Variants in CFAP95 observed in about 807,000 individuals in gnomAD.
The protein encoded by CFAP95 is cilia- and flagella-associated protein 95.
chr9:69,862,575 T>C, the CFAP95 span, among the ~76,000 whole-genome samples: 4 of 152,296 alleles, frequency 2.6e-5, no homozygotes, highest in African/African-American at 9.6e-5. Context: ...TAAAAGGCAA[T>C]GAATAAGAAT....
the CFAP95 span, chr9:69,885,179 T>G: frequency 6.6e-6 from 1 of 152,252 alleles, no homozygotes; most frequent in Non-Finnish European, 1.5e-5. Context: ...GTTGGGGTTC[T>G]GTTACTTTCT....
At chr9:69,898,389 G>C in the CFAP95 span, among the ~76,000 whole-genome samples, 1 of 152,134 alleles carries the variant, frequency 6.6e-6, no homozygotes, top group Non-Finnish European at 1.5e-5. Flanking sequence ...CAATCTCAGA[G>C]AATTCATCAA....
At chr9:69,893,709 T>A in the CFAP95 span, among the ~76,000 whole-genome samples, 1 of 152,198 alleles carries the variant, frequency 6.6e-6, no homozygotes, top group Non-Finnish European at 1.5e-5. Flanking sequence ...TAAAGTGTGG[T>A]TTTTCCAAAC....
At chr9:69,873,434 G>A in the CFAP95 span, among the ~76,000 whole-genome samples, 3 of 152,126 alleles carry the variant, frequency 2.0e-5, no homozygotes, top group Non-Finnish European at 4.4e-5. Flanking sequence ...TTGTTTGTTT[G>A]TTTGTTTTTG....
the CFAP95 span, among the ~76,000 whole-genome samples, chr9:69,889,505 C>A: frequency 6.6e-6 from 1 of 152,186 alleles, no homozygotes; most frequent in Non-Finnish European, 1.5e-5. Context: ...CTCAGCTATG[C>A]AAAGACAGTT....
At chr9:69,835,841 C>A in the CFAP95 span, among the ~76,000 whole-genome samples, 1 of 152,210 alleles carries the variant, frequency 6.6e-6, no homozygotes, top group Non-Finnish European at 1.5e-5. Flanking sequence ...AATTCCCTTG[C>A]CCCACATAAA....
At chr9:69,856,555 A>G in the CFAP95 span, 2 of 1,588,738 alleles carry the variant, frequency 1.3e-6, no homozygotes, top group Non-Finnish European at 1.7e-6. Flanking sequence ...ATGTTTCCAG[A>G]TTTGGACATC....
chr9:69,877,948 G>A, the CFAP95 span, among the ~76,000 whole-genome samples: 1 of 152,102 alleles, frequency 6.6e-6, no homozygotes, highest in Non-Finnish European at 1.5e-5. Context: ...ATGTTGCCTT[G>A]TTCTGTTCAT....
chr9:69,869,343 A>G, the CFAP95 span, among the ~76,000 whole-genome samples: 3 of 152,238 alleles, frequency 2.0e-5, no homozygotes, highest in Non-Finnish European at 4.4e-5. Context: ...GCTAAGTGAA[A>G]TACAGACACA....
the CFAP95 span, among the ~76,000 whole-genome samples, chr9:69,854,139 T>A: frequency 6.6e-6 from 1 of 152,208 alleles, no homozygotes; most frequent in Non-Finnish European, 1.5e-5. Flanking sequence ...GAAACAGAAG[T>A]TAAGAGTTGT....
the CFAP95 span, among the ~76,000 whole-genome samples, chr9:69,857,250 TC>T: frequency 6.6e-6 from 1 of 152,222 alleles, no homozygotes; most frequent in Non-Finnish European, 1.5e-5. Flanking sequence ...TGAAGGCATT[TC>T]CTCAGGAATA....
chr9:69,881,357 G>C, the CFAP95 span, among the ~76,000 whole-genome samples: 1 of 152,134 alleles, frequency 6.6e-6, no homozygotes, highest in Non-Finnish European at 1.5e-5. Context: ...TGAGAGATAG[G>C]GGTCTAGTTT....
At chr9:69,836,309 A>G in the CFAP95 span, among the ~76,000 whole-genome samples, 1 of 151,932 alleles carries the variant, frequency 6.6e-6, no homozygotes, top group Non-Finnish European at 1.5e-5. Flanking sequence ...CCTTGGTACT[A>G]TGGACATTTT....
chr9:69,856,573 C>T, the CFAP95 span: 6 of 1,606,732 alleles, frequency 3.7e-6, no homozygotes, highest in South Asian at 4.5e-5. Flanking sequence ...ATCAGAAACA[C>T]ATGAAAAGTT....
the CFAP95 span, among the ~76,000 whole-genome samples, chr9:69,895,534 T>G: frequency 6.6e-6 from 1 of 152,132 alleles, no homozygotes; most frequent in African/African-American, 2.4e-5. Context: ...GAAATAGTAA[T>G]TTATTTATGA....
At chr9:69,896,221 A>G in the CFAP95 span, among the ~76,000 whole-genome samples, 2 of 152,210 alleles carry the variant, frequency 1.3e-5, no homozygotes, top group East Asian at 1.9e-4. Flanking sequence ...AGAATAAGAA[A>G]AATCGTATTT....
chr9:69,821,074 G>A, the CFAP95 span: 1 of 1,599,578 alleles, frequency 6.3e-7, no homozygotes, highest in Non-Finnish European at 8.5e-7. Flanking sequence ...CTGCGGGGAG[G>A]AAAGAGAGGG....
At chr9:69,864,548 C>T in the CFAP95 span, among the ~76,000 whole-genome samples, 4 of 152,080 alleles carry the variant, frequency 2.6e-5, no homozygotes, top group African/African-American at 9.7e-5. Flanking sequence ...AATTTTATGG[C>T]TCTAGGAGAA....
the CFAP95 span, among the ~76,000 whole-genome samples, chr9:69,895,369 C>CTCTGTGTGTGTGTGTGTG: frequency 4.7e-3 from 510 of 107,858 alleles, 11 homozygotes; most frequent in African/African-American, 0.018. Flanking sequence ...CTCTCTCTCT[C>CTCTGTGTGTGTGTGTGTG]TGTGTGTGTG....
Sources: gnomAD v4.1 joint callset for allele counts (sites outside exome capture counted in the v4.1 genomes callset) on GRCh38, gnomAD v4.1.1 for gene constraint, MANE v1.5 for transcripts, NCBI Gene and HGNC (gene_info 2026-07-23, HGNC 2026-07-21) for gene names.